MACROD2: variants seen among roughly 807,000 people sequenced by gnomAD.
The protein encoded by MACROD2 is ADP-ribose glycohydrolase MACROD2.
Under a neutral mutation model 70.4 loss-of-function variants are expected in MACROD2, and 36 were observed. The observed-to-expected ratio is 0.51, with a 90% CI of 0.39 to 0.68. The LOEUF (loss-of-function observed/expected upper bound fraction) is 0.68, where lower values mean the gene tolerates loss of function less well. MACROD2 is among the 30% of genes least tolerant of loss of function. MACROD2 has a pLI of 0.00. For synonymous variants in MACROD2, 172 were observed against 178.8 expected (o/e 0.96, Z 0.30); for missense variants, 496 against 538.4 (o/e 0.92, Z 0.78).
intron 6 of MACROD2, among the ~76,000 whole-genome samples, chr20:15,373,478 C>T (rs1489734964): frequency 6.6e-6 from 1 of 152,192 alleles, no homozygotes; most frequent in Non-Finnish European, 1.5e-5. Context: ...CATCATAGCT[C>T]ACTGCATCCT....
intron 5 of MACROD2, among the ~76,000 whole-genome samples, chr20:14,960,442 A>G (rs1170125673): frequency 6.6e-6 from 1 of 152,126 alleles, no homozygotes; most frequent in East Asian, 1.9e-4. Context: ...AGTATTTTCC[A>G]CTGAATTCCC....
intron 5 of MACROD2, among the ~76,000 whole-genome samples, chr20:15,018,243 A>G (rs1336666248): frequency 6.6e-6 from 1 of 152,200 alleles, no homozygotes; most frequent in Non-Finnish European, 1.5e-5. Flanking sequence ...TCAAAGTTCC[A>G]CAAACCTTTA....
intron 10 of MACROD2, among the ~76,000 whole-genome samples, chr20:15,902,404 G>A (rs997490111): frequency 6.6e-6 from 1 of 151,954 alleles, no homozygotes; most frequent in Non-Finnish European, 1.5e-5. Context: ...TGTGGCATTG[G>A]GGATTGGCAG....
intron 2 of MACROD2, among the ~76,000 whole-genome samples, chr20:14,030,782 C>T (rs1410268708): frequency 7.1e-6 from 1 of 141,396 alleles, no homozygotes; most frequent in East Asian, 2.5e-4. Flanking sequence ...GACTTGTGGT[C>T]AGACTCTTTG....
At chr20:14,810,386 A>G (rs960221990) in intron 5 of MACROD2, among the ~76,000 whole-genome samples, 4 of 152,104 alleles carry the variant, frequency 2.6e-5, no homozygotes, top group African/African-American at 7.2e-5. Flanking sequence ...ATAAAATTCA[A>G]CACCCCTTCA....
intron 5 of MACROD2, among the ~76,000 whole-genome samples, chr20:14,703,935 C>T (rs1439053374): frequency 1.3e-5 from 2 of 151,846 alleles, no homozygotes; most frequent in Non-Finnish European, 2.9e-5. Flanking sequence ...ACCATATTCC[C>T]CAAACTGGTC....
In MACROD2 at chr20:15,919,496, G is replaced by A. The variant is rs546457963; in HGVS notation, c.776-13780G>A. Among the ~76,000 whole-genome samples, 45 of 152,270 alleles carry A rather than the reference G, an allele frequency of 3.0e-4. No homozygotes were observed. In the South Asian group the frequency reaches 9.3e-3, roughly 32 times the overall value. On this transcript the variant is annotated intron_variant, in intron 10 of 17. Transcript: ENST00000684519. ...TCATGCCTGTAATCCCAGCCCTTTG[G>A]GAGGCCGAGGTGGGCAGATCATGAG...
At chr20:14,877,759 G>C (rs1361737998) in intron 5 of MACROD2, among the ~76,000 whole-genome samples, 5 of 151,940 alleles carry the variant, frequency 3.3e-5, no homozygotes, top group African/African-American at 1.2e-4. Flanking sequence ...AGTTCTGTTT[G>C]TGTGGTGAAT....
chr20:14,535,973 G>C (rs557273687), intron 4 of MACROD2, among the ~76,000 whole-genome samples: 1 of 152,040 alleles, frequency 6.6e-6, no homozygotes, highest in Non-Finnish European at 1.5e-5. Flanking sequence ...AAATAGTTTT[G>C]ATCTAATGGA....
chr20:15,504,591 G>C (rs1010820415), intron 8 of MACROD2, among the ~76,000 whole-genome samples: 12 of 152,116 alleles, frequency 7.9e-5, no homozygotes, highest in African/African-American at 2.7e-4. Flanking sequence ...GACTGAAGAG[G>C]TAAGGTGGCA....
At chr20:14,200,517 T>C (rs186299123) in intron 3 of MACROD2, among the ~76,000 whole-genome samples, 22 of 152,248 alleles carry the variant, frequency 1.4e-4, no homozygotes, top group African/African-American at 5.3e-4. Context: ...CCTGGACATG[T>C]ACCCCTGAAC....
chr20:15,377,426 A>G (rs1428634306), intron 6 of MACROD2, among the ~76,000 whole-genome samples: 1 of 152,220 alleles, frequency 6.6e-6, no homozygotes, highest in Non-Finnish European at 1.5e-5. Context: ...TAAAATTGAG[A>G]ACTGAAATCT....
intron 3 of MACROD2, among the ~76,000 whole-genome samples, chr20:14,345,792 G>A (rs578184308): frequency 6.6e-6 from 1 of 151,854 alleles, no homozygotes; most frequent in Admixed American, 6.6e-5. Flanking sequence ...ATAGTAGGAA[G>A]GAAATAACTT....
intron 6 of MACROD2, among the ~76,000 whole-genome samples, chr20:15,249,332 A>G (rs774046707): frequency 6.6e-6 from 1 of 152,138 alleles, no homozygotes; most frequent in Non-Finnish European, 1.5e-5. Context: ...CCCAGCCACC[A>G]TTTTCTGTCA....
At chr20:15,370,647 C>T (rs1291536588) in intron 6 of MACROD2, among the ~76,000 whole-genome samples, 2 of 152,020 alleles carry the variant, frequency 1.3e-5, no homozygotes, top group Non-Finnish European at 2.9e-5. Context: ...ATTCATAAAA[C>T]AGCTATTGTA....
chr20:14,478,162 T>C (rs766344911), intron 3 of MACROD2, among the ~76,000 whole-genome samples: 1 of 152,190 alleles, frequency 6.6e-6, no homozygotes, highest in Non-Finnish European at 1.5e-5. Flanking sequence ...TCTGTTGTAG[T>C]CTCAACAAAG....
chr20:14,868,036 T>C (rs1029211714), intron 5 of MACROD2, among the ~76,000 whole-genome samples: 1 of 152,010 alleles, frequency 6.6e-6, no homozygotes, highest in African/African-American at 2.4e-5. Context: ...GGAAACACAT[T>C]ATATTTTAAT....
rs144735930 is a variant in MACROD2, at chr20:15,741,835, A to G, written c.646-120910A>G. On this transcript the variant is annotated intron_variant, in intron 8 of 17. Coordinates refer to ENST00000684519, the MANE Select transcript of MACROD2 (RefSeq NM_001351661.2). ...AAGATCAGGGGTCTTTGCATCTAGT[A>G]GAGGTTCAGTAAATACTTTGAACAT... Among the ~76,000 whole-genome samples, 745 of 152,322 alleles carry G rather than the reference A, an allele frequency of 4.9e-3. 4 individuals are homozygous for G. The highest frequency in any genetic ancestry group is 0.017 in the African/African-American group (714 of 41,574).
At chr20:15,512,206 G>T (rs989928569) in intron 8 of MACROD2, among the ~76,000 whole-genome samples, 2 of 152,182 alleles carry the variant, frequency 1.3e-5, no homozygotes, top group Non-Finnish European at 2.9e-5. Context: ...ACTTGACATG[G>T]GTTGACCAAT....
Sources: allele counts gnomAD v4.1 joint callset (sites outside exome capture counted in the v4.1 genomes callset), GRCh38; gene constraint gnomAD v4.1.1; transcripts MANE v1.5; gene names NCBI Gene and HGNC (gene_info 2026-07-23, HGNC 2026-07-21).